The following TYK2 variants were observed in gnomAD, a reference collection of about 807,000 sequenced individuals.
TYK2 encodes the protein tyrosine kinase 2.
In TYK2, 65 loss-of-function variants were observed where a neutral mutation model predicts 130.9. The ratio of observed to expected loss-of-function variants is 0.50; its 90% CI spans 0.41 to 0.61. The LOEUF is 0.61. TYK2 is among the 20% of genes least tolerant of loss of function. TYK2 has a pLI of 0.00. For missense variants in TYK2, 1,378 were observed against 1,610.7 expected (o/e 0.86, Z 2.47); for synonymous variants, 647 against 658.9 (o/e 0.98, Z 0.28).
Position 10,362,250 on chromosome 19 carries a change from C to T in TYK2, c.1669+14G>A. ...GATGCCACATCCCACCCAGAGGTCC[C>T]CCTATCATCGTACCTCCTGGTTGGG... On this transcript the variant is annotated intron_variant, in intron 11 of 24. Transcript: ENST00000525621. 3 of 1,613,554 alleles carry T rather than the reference C, an allele frequency of 1.9e-6. No homozygotes were observed. Among genetic ancestry groups the T allele is most frequent in the Non-Finnish European group, 2.5e-6 (3 of 1,179,552 alleles).
At position 10,364,954 on chromosome 19, in the gene TYK2, G is replaced by A. The variant is rs760895143; in HGVS notation, c.1106C>T (p.Pro369Leu). The A allele has an allele frequency of 5.5e-5, 89 of 1,613,988 alleles. No homozygotes were observed. Among genetic ancestry groups the A allele is most frequent in the South Asian group, 1.5e-4 (14 of 91,094 alleles). The change falls in exon 8 of 25, where the codon CCG becomes CTG. Residue 369 changes from proline (P) to leucine (L), a missense_variant. By Grantham distance (98) the Pro-to-Leu change is moderately conservative (BLOSUM62 -3). Coordinates refer to ENST00000525621, the MANE Select transcript of TYK2 (RefSeq NM_003331.5). This position sits in a 1 kb window ranked among gnomAD's most constrained non-coding sequence, Gnocchi z 4.9. Reference sequence around the variant, plus strand: ...GAAGTAGGCCCACAGTGGCTCCCGCGGCCTGTCTGCCGGCTGGCCGACTGC... The same window carrying A: ...GAAGTAGGCCCACAGTGGCTCCCGCAGCCTGTCTGCCGGCTGGCCGACTGC... Reference protein sequence around the residue: ...HKAVGQPADRPREPLWAYFCD... With the variant: ...HKAVGQPADRLREPLWAYFCD...
Position 10,364,204 on chromosome 19 carries a change from A to T in TYK2, c.1367+410T>A, listed in dbSNP as rs2041540883. ...AAAATCACCAGTTCTGTGCAATGAC[A>T]ACCTCAACACACAATGACAGTCATG... On this transcript the variant is annotated intron_variant, in intron 9 of 24. Transcript: ENST00000525621. This position sits in a 1 kb window ranked among gnomAD's most constrained non-coding sequence, Gnocchi z 4.9. Among the ~76,000 whole-genome samples, 1 of 152,162 alleles carries T rather than the reference A, an allele frequency of 6.6e-6. No homozygotes were observed. The highest frequency in any genetic ancestry group is 2.4e-5 in the African/African-American group (1 of 41,428).
chr19:10,373,831 C>T (rs2042010354), intron 3 of TYK2, among the ~76,000 whole-genome samples: 1 of 152,064 alleles, frequency 6.6e-6, no homozygotes. Flanking sequence ...CTTCCCCTTC[C>T]AAACTCTCAA....
rs551829955 is a variant in TYK2 at position 10,359,116 on chromosome 19, G to A, written c.2175+59C>T. 3.8e-5 allele frequency: 60 copies of A among 1,590,440 alleles called. No individual in the cohort carries two copies. In the African/African-American group the frequency reaches 6.9e-4, roughly 18 times the overall value. ...TCGCCCTGTTGCCCAGGCTGGTCTCGAACTCCTGGGCTCCTGGCCCTCCCT... is the reference window on the plus strand; with the variant it reads ...TCGCCCTGTTGCCCAGGCTGGTCTCAAACTCCTGGGCTCCTGGCCCTCCCT... On this transcript the variant is annotated intron_variant, in intron 15 of 24. Transcript: ENST00000525621.
At chr19:10,374,712 G>A (rs919544775) in intron 3 of TYK2, among the ~76,000 whole-genome samples, 7 of 149,898 alleles carry the variant, frequency 4.7e-5, no homozygotes, top group East Asian at 3.9e-4. Flanking sequence ...GTGAAACCCC[G>A]TCTCTACTAA....
At chr19:10,351,417 G>T in intron 23 of TYK2, 3 of 409,154 alleles carry the variant, frequency 7.3e-6, no homozygotes, top group South Asian at 6.3e-5. Context: ...AACCTGGGAG[G>T]CGGAGGTTGC....
At chr19:10,365,182 C>T (rs1272728642) in intron 7 of TYK2, 134 bp from the exon 8 acceptor site, 1 of 1,063,238 alleles carries the variant, frequency 9.4e-7, no homozygotes, top group Non-Finnish European at 1.3e-6. Flanking sequence ...GTCCCAGTGT[C>T]ACAGGTGGGA....
At chr19:10,356,451 G>T (rs1371105111) in intron 18 of TYK2, 117 bp downstream of exon 18, 35 of 1,340,530 alleles carry the variant, frequency 2.6e-5, no homozygotes, top group African/African-American at 5.7e-5. Flanking sequence ...GCCACTGCAA[G>T]AAATTGGCAC....
rs2041195057 is a variant in TYK2, at chr19:10,358,096, T to C, written c.2218A>G (p.Ile740Val). 1 of 1,612,294 alleles carries C rather than the reference T, an allele frequency of 6.2e-7. No individual in the cohort carries two copies. The highest frequency in any genetic ancestry group is 8.5e-7 in the Non-Finnish European group (1 of 1,179,552). The change falls in exon 16 of 25, where the codon ATC (isoleucine) becomes GTC (valine). Residue 740 changes from isoleucine to valine, a missense_variant. Ile to Val is a conservative substitution (Grantham distance 29, BLOSUM62 3). Coordinates refer to ENST00000525621, the MANE Select transcript of TYK2 (RefSeq NM_003331.5). ...LVHGNVCGRN[I>V]LLARLGLAEG... Reference sequence around the variant, plus strand: ...GCCAACCCCAGCCGGGCCAGCAGGATGTTCCGGCCACACACATTACCATGA... The same window carrying C: ...GCCAACCCCAGCCGGGCCAGCAGGACGTTCCGGCCACACACATTACCATGA...
chr19:10,353,903 C>T lies in TYK2; in HGVS notation c.2908+139G>A. On this transcript the variant is annotated intron_variant, in intron 20 of 24. Coordinates refer to ENST00000525621, the MANE Select transcript of TYK2 (RefSeq NM_003331.5). The surrounding 1 kb of genome is among the most constrained non-coding windows in gnomAD (Gnocchi z 6.9). ...AGGAGGCAGCCCAGCCACGCTCACC[C>T]AGATGCCAAGAACCGCGTACTGCAG... 2.1e-6 allele frequency: 2 copies of T among 972,922 alleles called. No individual in the cohort carries two copies. Among genetic ancestry groups the T allele is most frequent in the Non-Finnish European group, 3.1e-6 (2 of 639,156 alleles). The allele number at this position is 972,922 out of a possible 1,614,324, so 60.3% of individuals were successfully genotyped here.
At chr19:10,376,570 AGT>A (rs2042127327) in intron 3 of TYK2, among the ~76,000 whole-genome samples, 1 of 105,942 alleles carries the variant, frequency 9.4e-6, no homozygotes, top group Non-Finnish European at 1.9e-5. Context: ...AGCCTCTGAA[AGT>A]GTTGGGATTA....
At chr19:10,355,663 GAAAAAA>G (rs200823010) in intron 18 of TYK2, among the ~76,000 whole-genome samples, 1 of 122,990 alleles carries the variant, frequency 8.1e-6, no homozygotes, top group African/African-American at 3.2e-5. Flanking sequence ...AAGAAAGAAA[GAAAAAA>G]AAAAAGAAAA....
Position 10,362,588 on chromosome 19 carries a change from G to T in TYK2, c.1437C>A (p.His479Gln), listed in dbSNP as rs2041464452. The change falls in exon 10 of 25, where the codon CAC (histidine) becomes CAA (glutamine). Residue 479 changes from histidine to glutamine, a missense_variant. By Grantham distance (24) the His-to-Gln change is conservative. Coordinates refer to ENST00000525621, the MANE Select transcript of TYK2 (RefSeq NM_003331.5). ...CCACTGTGAGGATCAGGCGGTAGGG[G>T]TGGCTGGTGCTCCAGTGAATGAGGT... ...GLYLIHWSTS[H>Q]PYRLILTVAQ... 1 of 1,553,880 alleles carries T rather than the reference G, an allele frequency of 6.4e-7. No homozygotes were observed. The highest frequency in any genetic ancestry group is 1.4e-5 in the African/African-American group (1 of 73,188).
chr19:10,353,491 G>T lies in TYK2; in HGVS notation c.3027+37C>A. On this transcript the variant is annotated intron_variant, in intron 21 of 24. Coordinates refer to ENST00000525621, the MANE Select transcript of TYK2 (RefSeq NM_003331.5). The surrounding 1 kb of genome is among the most constrained non-coding windows in gnomAD (Gnocchi z 6.9). ...CAGGCCAGCCCAAGCTGAAGAGGAA[G>T]GGGCAAGCTCCAGAAGCAGGGGCGG... is the stretch of plus-strand genomic sequence containing the variant. The T allele has an allele frequency of 7.0e-7, 1 of 1,420,556 alleles. No homozygotes were observed. Among genetic ancestry groups the T allele is most frequent in the Non-Finnish European group, 9.4e-7 (1 of 1,063,280 alleles). 88.0% of individuals were successfully genotyped at this position (1,420,556 alleles called of 1,614,324 possible).
At position 10,366,686 on chromosome 19, in the gene TYK2, C is replaced by T; in HGVS notation, c.466-106G>A. ...CCCTGGACCACACTGGAAGAAGTGT[C>T]TTGGGCCCTACATAAAATACACTAA... On this transcript the variant is annotated intron_variant, in intron 5 of 24. Transcript: ENST00000525621. The T allele has an allele frequency of 2.7e-6, 3 of 1,097,480 alleles. No homozygotes were observed. In the South Asian group the frequency reaches 3.7e-5, roughly 14 times the overall value. 68.0% of individuals were successfully genotyped at this position (1,097,480 alleles called of 1,614,324 possible). A position where few individuals can be genotyped will look rare whatever the true frequency, so the allele number is the denominator to read the frequency against.
chr19:10,359,075 C>T, intron 15 of TYK2, 100 bp downstream of exon 15: 3 of 1,500,892 alleles, frequency 2.0e-6, no homozygotes, highest in Non-Finnish European at 2.7e-6. Context: ...ACAAAACAAA[C>T]AAAAAAGATG....
chr19:10,366,691 G>A (rs1202289009), intron 5 of TYK2, 111 bp from the exon 6 acceptor site: 2 of 1,173,104 alleles, frequency 1.7e-6, no homozygotes, highest in East Asian at 4.7e-5. Context: ...AGTGTCTTGG[G>A]CCCTACATAA....
chr19:10,379,371 A>C (rs2042288888), intron 2 of TYK2, among the ~76,000 whole-genome samples: 1 of 150,184 alleles, frequency 6.7e-6, no homozygotes, highest in Non-Finnish European at 1.5e-5. Flanking sequence ...TAATAAAAAT[A>C]TATAAAAAGG....
chr19:10,372,995 C>T (rs2145318706), intron 3 of TYK2, among the ~76,000 whole-genome samples: 1 of 152,014 alleles, frequency 6.6e-6, no homozygotes, highest in South Asian at 2.1e-4. Flanking sequence ...TCCTGAGTAG[C>T]TGGGACTACA....
Sources: allele counts gnomAD v4.1 joint callset (sites outside exome capture counted in the v4.1 genomes callset), GRCh38; gene constraint gnomAD v4.1.1; non-coding constraint Gnocchi (gnomAD v3.1); transcripts MANE v1.5; gene names NCBI Gene and HGNC (gene_info 2026-07-23, HGNC 2026-07-21).